CNRIP1: variants seen among roughly 807,000 people sequenced by gnomAD.
CNRIP1 encodes the protein CB1 cannabinoid receptor-interacting protein 1.
CNRIP1 carries 10 observed loss-of-function variants against 15.2 expected under a neutral mutation model. That is an observed-to-expected ratio of 0.66 (90% CI 0.41 to 1.12). CNRIP1 has a LOEUF of 1.12. Among genes scored for constraint, CNRIP1 ranks in the 50% most tolerant of loss-of-function variants. CNRIP1 has a pLI of 0.00. For missense variants in CNRIP1, 211 were observed against 214.7 expected, an observed-to-expected ratio of 0.98 and a Z score of 0.11; for synonymous variants, 91 against 83.2, an observed-to-expected ratio of 1.09 and a Z score of -0.51.
intron 2 of CNRIP1, among the ~76,000 whole-genome samples, chr2:68,295,551 G>A (rs1671319902): frequency 6.6e-6 from 1 of 152,162 alleles, no homozygotes; most frequent in Non-Finnish European, 1.5e-5. Flanking sequence ...TTTATAAAAT[G>A]GCCTTTTGCT....
At position 68,315,168 on chromosome 2, in the gene CNRIP1, G is replaced by T. The variant is rs548553986; in HGVS notation, c.330+1989C>A. On this transcript the variant is annotated intron_variant, in intron 2 of 2. Transcript: ENST00000263655. Reference sequence around the variant, plus strand: ...TAAAGATTTTTCAAAAAATCAATAAGATACACTTAAGCAGAAAAATGGGTG... The same window carrying T: ...TAAAGATTTTTCAAAAAATCAATAATATACACTTAAGCAGAAAAATGGGTG... Among the ~76,000 whole-genome samples, 12 of 152,170 alleles carry T rather than the reference G, an allele frequency of 7.9e-5. No homozygotes were observed. In the South Asian group the frequency reaches 2.3e-3, roughly 29 times the overall value.
At chr2:68,317,360 G>C (rs1349262115) in intron 1 of CNRIP1, 53 bp from the exon 2 acceptor site, 9 of 1,590,578 alleles carry the variant, frequency 5.7e-6, no homozygotes, top group Admixed American at 3.4e-5. Context: ...TAGGCACCCT[G>C]TCCTGTTTTG....
rs369818025 is a variant in CNRIP1, at chr2:68,317,262, A to G, written c.225T>C (p.Ser75=). 32 of 1,614,018 alleles carry G rather than the reference A, an allele frequency of 2.0e-5. No homozygotes were observed. The African/African-American group carries it at 3.9e-4, about 20-fold the overall frequency. Residue 75 remains serine (S), a synonymous_variant, in exon 2 of 3, where the codon TCT becomes TCC. Transcript: ENST00000263655. ...CAACTCTGTCCCCATCAGGCTCTTT[A>G]GACTTCAGTTCCAGTGGGACAAGCA... The part of the protein sequence containing the change: ...GGVLVPLELK[S]KEPDGDRVVY...
chr2:68,284,823 A>AAAG lies in CNRIP1; in HGVS notation c.331-340_331-339insCTT, dbSNP rs1171565615. Among the ~76,000 whole-genome samples, 6 of 151,778 alleles carry AAAG rather than the reference A, an allele frequency of 4.0e-5. No homozygotes were observed. The South Asian group carries it at 1.2e-3, about 32-fold the overall frequency. On this transcript the variant is annotated intron_variant, in intron 2 of 2. Coordinates refer to the CNRIP1 transcript ENST00000409559. Reference sequence around the variant, plus strand: ...GAGACTCTGTCTCAAAAAAAAAAAAAAAAAAGAAAAGAAAACCACAGCGAA... The same window carrying AAAG: ...GAGACTCTGTCTCAAAAAAAAAAAAAAAGAAAAAGAAAAGAAAACCACAGCGAA...
chr2:68,294,695 T>C (rs967789059), intron 2 of CNRIP1, among the ~76,000 whole-genome samples: 5 of 152,220 alleles, frequency 3.3e-5, no homozygotes, highest in Non-Finnish European at 5.9e-5. Flanking sequence ...AAATATTTCA[T>C]TGGAAGTGTT....
rs1302804802 is a variant in CNRIP1, at chr2:68,319,660, A to C, written c.-260T>G. 4.5e-6 allele frequency: 2 copies of C among 441,980 alleles called. No individual in the cohort carries two copies. The highest frequency in any genetic ancestry group is 4.2e-5 in the African/African-American group (2 of 47,316). The allele number at this position is 441,980 out of a possible 1,614,324, so 27.4% of individuals were successfully genotyped here. A position where few individuals can be genotyped will look rare whatever the true frequency, so the allele number is the denominator to read the frequency against. On this transcript the variant is annotated 5_prime_UTR_variant, in exon 1 of 3. An upstream start codon of the reference 5' UTR is lost. Transcript: ENST00000263655. ...CGGCTCCAAGGCCGCGCGCTTCCCCATCCCCCGCTCCAGTGCTGCGCCCTC... is the reference window on the plus strand; with the variant it reads ...CGGCTCCAAGGCCGCGCGCTTCCCCCTCCCCCGCTCCAGTGCTGCGCCCTC...
chr2:68,296,558 A>ATGTGTGTGTGTG (rs1267128146), intron 2 of CNRIP1, among the ~76,000 whole-genome samples: 2 of 96,558 alleles, frequency 2.1e-5, no homozygotes, highest in African/African-American at 3.6e-5. Flanking sequence ...ATGTGTATAT[A>ATGTGTGTGTGTG]TGTGTATGTG....
chr2:68,289,816 A>G (rs1573003442), downstream of CNRIP1, among the ~76,000 whole-genome samples: 1 of 152,156 alleles, frequency 6.6e-6, no homozygotes, highest in East Asian at 1.9e-4. Context: ...CCAAATAATG[A>G]TATTATGTGC....
At chr2:68,311,781 A>T (rs867094440) in intron 2 of CNRIP1, among the ~76,000 whole-genome samples, 3 of 129,188 alleles carry the variant, frequency 2.3e-5, no homozygotes, top group South Asian at 2.4e-4. Flanking sequence ...TCTCCGGGGA[A>T]AAAAAAAAAA....
chr2:68,305,312 G>GTGTGTGTGTA lies in CNRIP1; in HGVS notation c.331-11287_331-11286insTACACACACA, dbSNP rs1285507186. On this transcript the variant is annotated intron_variant, in intron 2 of 2. Coordinates refer to ENST00000263655, the MANE Select transcript of CNRIP1 (RefSeq NM_015463.3). The stretch of plus-strand genomic sequence containing the variant: ...TGTGTGTGTGTGTGTGTGTGTGTGT[G>GTGTGTGTGTA]TACATATAAAACATATATAATATAT... Among the ~76,000 whole-genome samples the GTGTGTGTGTA allele has an allele frequency of 2.6e-4, 33 of 129,096 alleles. 1 individual carries two copies. The highest frequency in any genetic ancestry group is 8.8e-4 in the African/African-American group (30 of 33,982). The allele number at this position is 129,096 out of a possible 152,430, so 84.7% of individuals were successfully genotyped here.
chr2:68,302,605 C>T (rs1671652965), intron 2 of CNRIP1, among the ~76,000 whole-genome samples: 1 of 152,086 alleles, frequency 6.6e-6, no homozygotes, highest in South Asian at 2.1e-4. Context: ...TTGACTATTT[C>T]CTGACTTCAG....
intron 2 of CNRIP1, among the ~76,000 whole-genome samples, chr2:68,297,745 A>T (rs1671432677): frequency 6.6e-6 from 1 of 152,214 alleles, no homozygotes; most frequent in Non-Finnish European, 1.5e-5. Context: ...CATTAGGAAA[A>T]TATGAAAATG....
intron 2 of CNRIP1, among the ~76,000 whole-genome samples, chr2:68,315,309 A>G (rs933890796): frequency 2.6e-5 from 4 of 152,190 alleles, no homozygotes; most frequent in African/African-American, 9.7e-5. Flanking sequence ...AAATATGTAA[A>G]CATGACAAAC....
chr2:68,288,372 A>C (rs1236233126), downstream of CNRIP1, among the ~76,000 whole-genome samples: 1 of 152,146 alleles, frequency 6.6e-6, no homozygotes. Context: ...CGTTCCAAGC[A>C]GAGGGAACAG....
At chr2:68,299,363 CTG>C (rs1234788205) in intron 2 of CNRIP1, among the ~76,000 whole-genome samples, 1 of 152,082 alleles carries the variant, frequency 6.6e-6, no homozygotes, top group East Asian at 1.9e-4. Flanking sequence ...TAAATCCTAA[CTG>C]TAATGGTATT....
chr2:68,317,419 T>C (rs1672317274), intron 1 of CNRIP1, 112 bp from the exon 2 acceptor site: 14 of 1,147,610 alleles, frequency 1.2e-5, no homozygotes, highest in South Asian at 1.5e-5. Context: ...AAGGGGGGCA[T>C]TGTGGTGCGG....
rs567322574 is a variant in CNRIP1, at chr2:68,319,432, G to C, written c.-32C>G. The C allele has an allele frequency of 1.9e-5, 28 of 1,495,140 alleles. No homozygotes were observed. The South Asian group carries it at 2.5e-4, about 14-fold the overall frequency. 92.6% of individuals were successfully genotyped at this position (1,495,140 alleles called of 1,614,324 possible). A position where few individuals can be genotyped will look rare whatever the true frequency, so the allele number is the denominator to read the frequency against. ...GCGAGGGTCTGGCGCGGCGGCTCCGGGGGGCGGAGGACAGCGCCGGCTGCG... is the reference window on the plus strand; with the variant it reads ...GCGAGGGTCTGGCGCGGCGGCTCCGCGGGGCGGAGGACAGCGCCGGCTGCG... On this transcript the variant is annotated 5_prime_UTR_variant, in exon 1 of 3. Transcript: ENST00000263655.
chr2:68,306,861 T>C (rs904555734), intron 2 of CNRIP1, among the ~76,000 whole-genome samples: 2 of 152,112 alleles, frequency 1.3e-5, no homozygotes, highest in African/African-American at 2.4e-5. Context: ...TCTCGAATAC[T>C]GTCATTTACA....
chr2:68,285,518 G>T (rs1171079538), intron 2 of CNRIP1, among the ~76,000 whole-genome samples: 2 of 152,066 alleles, frequency 1.3e-5, no homozygotes, highest in African/African-American at 4.8e-5. Context: ...GCTGGATGTG[G>T]TGGTGGCCGC....
Sources: gnomAD v4.1 joint callset for allele counts (sites outside exome capture counted in the v4.1 genomes callset) on GRCh38, gnomAD v4.1.1 for gene constraint, MANE v1.5 for transcripts, NCBI Gene and HGNC (gene_info 2026-07-23, HGNC 2026-07-21) for gene names.